DNAH11: variants seen among roughly 807,000 people sequenced by gnomAD.
DNAH11 encodes the protein axonemal beta dynein heavy chain 11.
DNAH11 carries 442 observed loss-of-function variants against 526.0 expected under a neutral mutation model. That is an observed-to-expected ratio of 0.84 (90% CI 0.78 to 0.91). The LOEUF is 0.91. Ranked by LOEUF, DNAH11 falls within the 40% of genes least tolerant of loss-of-function variation. DNAH11 has a pLI of 0.00. For synonymous variants in DNAH11, 2,461 were observed against 1,935.9 expected, an observed-to-expected ratio of 1.27 and a Z score of -7.12; for missense variants, 6,989 against 5,448.7, an observed-to-expected ratio of 1.28 and a Z score of -8.90.
At chr7:21,545,870 A>G (rs971630380) in intron 2 of DNAH11, among the ~76,000 whole-genome samples, 1 of 152,204 alleles carries the variant, frequency 6.6e-6, no homozygotes, top group African/African-American at 2.4e-5. Context: ...CCATGGAACT[A>G]GAACCTGGCT....
intron 65 of DNAH11, 116 bp downstream of exon 65, chr7:21,818,455 C>T: frequency 8.7e-7 from 1 of 1,142,898 alleles, no homozygotes; most frequent in Non-Finnish European, 1.2e-6. Flanking sequence ...TCTGAGTTTC[C>T]ATTTCATGCA....
At chr7:21,740,121 C>A (rs544014392) in intron 48 of DNAH11, among the ~76,000 whole-genome samples, 19 of 152,230 alleles carry the variant, frequency 1.2e-4, no homozygotes, top group African/African-American at 4.6e-4. Context: ...AGTGTCACTG[C>A]CCCAAAATCT....
chr7:21,741,982 T>A lies in DNAH11; in HGVS notation c.7970T>A (p.Ile2657Asn), dbSNP rs1320220392. Residue 2657 changes from isoleucine (I) to asparagine (N), a missense_variant, in exon 49 of 82, where the codon ATC becomes AAC. By Grantham distance (149) the Ile-to-Asn change is moderately radical (BLOSUM62 -3). Coordinates refer to ENST00000409508, the MANE Select transcript of DNAH11 (RefSeq NM_001277115.2). The part of the protein sequence containing the change: ...NFPSLDALNT[I>N]YGQIFSFHFQ... ...CCATCTTTGGATGCACTAAACACCA[T>A]CTATGGCCAAATCTTTAGCTTCCAT... The A allele has an allele frequency of 1.9e-6, 3 of 1,613,990 alleles. No homozygotes were observed. Among genetic ancestry groups the A allele is most frequent in the East Asian group, 2.2e-5 (1 of 44,888 alleles).
chr7:21,691,737 T>A (rs2128475243), intron 35 of DNAH11, among the ~76,000 whole-genome samples: 2 of 152,302 alleles, frequency 1.3e-5, no homozygotes, highest in African/African-American at 4.8e-5. Context: ...TAAACAACCT[T>A]TAGAAATATC....
Position 21,543,373 on chromosome 7 carries a change from A to G in DNAH11, c.128A>G (p.Glu43Gly). The change falls in exon 1 of 82, where the codon GAG becomes GGG. Residue 43 changes from glutamate to glycine, a missense_variant. Physicochemically the swap from Glu to Gly is moderately conservative, Grantham distance 98 (BLOSUM62 -2). Coordinates refer to ENST00000409508, the MANE Select transcript of DNAH11 (RefSeq NM_001277115.2). ...VELEEEEENE[E>G]EAAARRARSF... The stretch of plus-strand genomic sequence containing the variant: ...CTCGAGGAGGAGGAGGAGAACGAGG[A>G]GGAGGCGGCGGCCAGGAGAGCGCGG... The G allele has an allele frequency of 2.6e-6, 4 of 1,551,798 alleles. No homozygotes were observed. The highest frequency in any genetic ancestry group is 3.5e-6 in the Non-Finnish European group (4 of 1,146,964).
At chr7:21,626,189 C>T (rs1786324173) in intron 25 of DNAH11, among the ~76,000 whole-genome samples, 1 of 152,118 alleles carries the variant, frequency 6.6e-6, no homozygotes, top group African/African-American at 2.4e-5. Context: ...AAAAAATTCC[C>T]ACATGTGAAT....
In DNAH11 at chr7:21,864,545, G is replaced by A. The variant is rs776639442; in HGVS notation, c.11384G>A (p.Arg3795Lys). ...LSQMAFQILL[R>K]KKEIDPLELD... ...TTGTCTACTCTCAAGATTTTGTTGA[G>A]AAAGAAAGAGATAGACCCTCTTGAA... The change falls in exon 70 of 82, where the codon AGA becomes AAA. Residue 3795 changes from arginine (R) to lysine (K), a missense_variant. Physicochemically the swap from Arg to Lys is conservative, Grantham distance 26. Transcript: ENST00000409508. 1 of 1,610,774 alleles carries A rather than the reference G, an allele frequency of 6.2e-7. No individual in the cohort carries two copies.
chr7:21,734,241 T>C (rs1583641005), intron 45 of DNAH11, among the ~76,000 whole-genome samples: 2 of 152,278 alleles, frequency 1.3e-5, no homozygotes, highest in East Asian at 1.9e-4. Flanking sequence ...ACTCTCTTTA[T>C]AGGTTTGTTA....
Position 21,558,953 on chromosome 7 carries a change from C to G in DNAH11, c.647C>G (p.Thr216Ser). ...MSRRTLLPIP[T>S]VAGKMDLDQN... ...AGAAGAACTCTTCTACCAATTCCCA[C>G]TGTTGCAGGAAAGATGGATCTGGAT... Residue 216 changes from threonine (T) to serine (S), a missense_variant, in exon 3 of 82, where the codon ACT becomes AGT. Thr to Ser is a moderately conservative substitution (Grantham distance 58). Coordinates refer to ENST00000409508, the MANE Select transcript of DNAH11 (RefSeq NM_001277115.2). 1 of 1,593,618 alleles carries G rather than the reference C, an allele frequency of 6.3e-7. No homozygotes were observed.
chr7:21,898,915 C>G (rs1050816908), intron 79 of DNAH11, among the ~76,000 whole-genome samples: 1 of 152,200 alleles, frequency 6.6e-6, no homozygotes, highest in African/African-American at 2.4e-5. Context: ...TCAGATTTCC[C>G]GGCAACTCTG....
chr7:21,818,131 A>G, intron 64 of DNAH11, 86 bp from the exon 65 acceptor site: 1 of 1,354,654 alleles, frequency 7.4e-7, no homozygotes, highest in Admixed American at 2.4e-5. Context: ...GAATATCTAC[A>G]TTAAATATAA....
At chr7:21,605,960 A>G (rs894774761) in intron 18 of DNAH11, among the ~76,000 whole-genome samples, 3 of 152,216 alleles carry the variant, frequency 2.0e-5, no homozygotes, top group Non-Finnish European at 2.9e-5. Context: ...AAGCCTTTTC[A>G]TCACTTTCAT....
chr7:21,737,051 A>G (rs1290655863), intron 46 of DNAH11, among the ~76,000 whole-genome samples: 1 of 152,200 alleles, frequency 6.6e-6, no homozygotes, highest in Non-Finnish European at 1.5e-5. Context: ...TACGATTTAG[A>G]GATGGCCTAT....
At chr7:21,784,920 G>C (rs937807329) in intron 58 of DNAH11, among the ~76,000 whole-genome samples, 1 of 152,190 alleles carries the variant, frequency 6.6e-6, no homozygotes, top group Non-Finnish European at 1.5e-5. Flanking sequence ...GGAATATAAA[G>C]AGTAGCATTG....
intron 18 of DNAH11, among the ~76,000 whole-genome samples, chr7:21,601,828 G>A (rs776528916): frequency 5.3e-5 from 8 of 151,588 alleles, no homozygotes; most frequent in South Asian, 2.1e-4. Flanking sequence ...CAACACTCTC[G>A]GTGTGTTTTA....
chr7:21,901,104 G>C lies in DNAH11; in HGVS notation c.13401G>C (p.Val4467=). 1 of 1,613,544 alleles carries C rather than the reference G, an allele frequency of 6.2e-7. No individual in the cohort carries two copies. The highest frequency in any genetic ancestry group is 1.1e-5 in the South Asian group (1 of 91,078). ...TCATCTTTGCAAAAGCCACCCCCGT[G>C]GACAGACAAGAAACCAAACAGACCT... is the stretch of plus-strand genomic sequence containing the variant. ...MPVIFAKATP[V]DRQETKQTYE... is the part of the protein sequence containing the mutation. Residue 4467 remains valine (V), a synonymous_variant, in exon 82 of 82, where the codon GTG becomes GTC. Transcript: ENST00000409508.
intron 20 of DNAH11, among the ~76,000 whole-genome samples, chr7:21,607,283 C>T (rs1290377360): frequency 1.3e-5 from 2 of 152,160 alleles, no homozygotes; most frequent in Non-Finnish European, 2.9e-5. Flanking sequence ...TTCCACATTC[C>T]TCTGTCTGCT....
In DNAH11 at chr7:21,709,657, C is replaced by A. The variant is rs568640654; in HGVS notation, c.6684-896C>A. Among the ~76,000 whole-genome samples the A allele has an allele frequency of 5.9e-5, 9 of 152,252 alleles. No homozygotes were observed. The South Asian group carries it at 1.9e-3, about 32-fold the overall frequency. On this transcript the variant is annotated intron_variant, in intron 40 of 81. Transcript: ENST00000409508. ...CTATCCTCTCGTCTTGTGTACACTC[C>A]TTTTTCTGTGGGACAGTTTTTACTG...
intron 2 of DNAH11, among the ~76,000 whole-genome samples, chr7:21,556,614 T>G (rs1298052601): frequency 6.6e-6 from 1 of 152,142 alleles, no homozygotes; most frequent in Non-Finnish European, 1.5e-5. Context: ...TACAGAGAGT[T>G]TGTTACCCAG....
Sources: gnomAD v4.1 joint callset for allele counts (sites outside exome capture counted in the v4.1 genomes callset) on GRCh38, gnomAD v4.1.1 for gene constraint, MANE v1.5 for transcripts, NCBI Gene and HGNC (gene_info 2026-07-23, HGNC 2026-07-21) for gene names.